PHACTR2: variants seen among roughly 807,000 people sequenced by gnomAD.
The protein encoded by PHACTR2 is phosphatase and actin regulator 2, also known as chromosome 6 open reading frame 56.
In PHACTR2, 30 loss-of-function variants were observed where a neutral mutation model predicts 76.0. That is an observed-to-expected ratio of 0.39 (90% CI 0.30 to 0.54). The LOEUF (loss-of-function observed/expected upper bound fraction) is 0.54. Ranked by LOEUF, PHACTR2 falls within the 20% of genes least tolerant of loss-of-function variation. The probability of loss-of-function intolerance (pLI) is 0.61; values close to 1 mark genes in which losing one functional copy is unlikely to be tolerated. For synonymous variants in PHACTR2, 292 were observed against 292.5 expected, an observed-to-expected ratio of 1.00 and a Z score of 0.02; for missense variants, 696 against 781.1, an observed-to-expected ratio of 0.89 and a Z score of 1.30.
rs12207527 is a variant in PHACTR2 at position 143,750,981 on chromosome 6, T to C, written c.295+1916T>C. Among the ~76,000 whole-genome samples the C allele has an allele frequency of 0.3, 45,459 of 152,112 alleles. 7,839 individuals carry two copies. Among genetic ancestry groups the C allele is most frequent in the Non-Finnish European group, 0.38 (25,982 of 67,954 alleles). On this transcript the variant is annotated intron_variant, in intron 3 of 12. Coordinates refer to ENST00000440869, the MANE Select transcript of PHACTR2 (RefSeq NM_001100164.2). The surrounding 1 kb of genome is among the most constrained non-coding windows in gnomAD (Gnocchi z 4.6). The stretch of plus-strand genomic sequence containing the variant: ...GGATGTCAGTAGTAAATGGAGTCCT[T>C]CCCCTTTTCAGCTGAGGGCTGGAGA...
Position 143,750,762 on chromosome 6 carries a change from T to A in PHACTR2, c.295+1697T>A, listed in dbSNP as rs1179909766. ...ACTTCTCAGAAATCTGACTCTCTGA[T>A]CTTTTTATTTAACTTTTCCAGTGGA... On this transcript the variant is annotated intron_variant, in intron 3 of 12. Transcript: ENST00000440869. This position sits in a 1 kb window ranked among gnomAD's most constrained non-coding sequence, Gnocchi z 4.6. Among the ~76,000 whole-genome samples, 1 of 152,236 alleles carries A rather than the reference T, an allele frequency of 6.6e-6. No individual in the cohort carries two copies. The highest frequency in any genetic ancestry group is 2.4e-5 in the African/African-American group (1 of 41,472).
chr6:143,673,565 G>A (rs1777192494), upstream of PHACTR2, among the ~76,000 whole-genome samples: 1 of 151,936 alleles, frequency 6.6e-6, no homozygotes, highest in South Asian at 2.1e-4. Context: ...TTTAGATTTT[G>A]GTCAATAAAT....
At chr6:143,677,816 G>A (rs948070422), upstream of PHACTR2, 1 of 354,372 alleles carries the variant, frequency 2.8e-6, no homozygotes, top group Admixed American at 5.0e-5. Flanking sequence ...GAGGGGGTGC[G>A]GGTGCGGCGG....
chr6:143,785,975 A>T (rs1775547910), intron 10 of PHACTR2, among the ~76,000 whole-genome samples: 1 of 152,158 alleles, frequency 6.6e-6, no homozygotes, highest in African/African-American at 2.4e-5. Context: ...CATGGCCTGG[A>T]GACATTTTCC....
rs556160820 is a variant in PHACTR2, at chr6:143,627,665, G to A, written c.13+19343G>A. Among the ~76,000 whole-genome samples the A allele has an allele frequency of 2.7e-5, 4 of 149,320 alleles. No individual in the cohort carries two copies. The highest frequency in any genetic ancestry group is 3.0e-5 in the Non-Finnish European group (2 of 67,604). ...CACCCAGGCTGGAATGCAGTGGCAC[G>A]ATCTCGGCTCACTGCAACCTCCGCC... On this transcript the variant is annotated intron_variant, in intron 1 of 11. Transcript: ENST00000305766. The surrounding 1 kb of genome is among the most constrained non-coding windows in gnomAD (Gnocchi z 4.3).
chr6:143,715,095 A>G (rs921680347), intron 2 of PHACTR2, among the ~76,000 whole-genome samples: 3 of 152,000 alleles, frequency 2.0e-5, no homozygotes, highest in Non-Finnish European at 4.4e-5. Flanking sequence ...TCCCACTGCA[A>G]TCTATCTCTG....
intron 2 of PHACTR2, among the ~76,000 whole-genome samples, chr6:143,725,956 T>C (rs1009954820): frequency 6.6e-6 from 1 of 152,258 alleles, no homozygotes; most frequent in African/African-American, 2.4e-5. Flanking sequence ...ATTCCATTTT[T>C]TGTTGAATAG....
intron 2 of PHACTR2, among the ~76,000 whole-genome samples, chr6:143,729,476 A>G (rs929117155): frequency 6.6e-6 from 1 of 152,118 alleles, no homozygotes; most frequent in Non-Finnish European, 1.5e-5. Flanking sequence ...TATGTTTTAC[A>G]TTTAGATCTA....
chr6:143,585,470 A>G lies in PHACTR2; in HGVS notation c.217+48263A>G, dbSNP rs1220647615. On this transcript the variant is annotated intron_variant, in intron 1 of 11. Coordinates refer to the PHACTR2 transcript ENST00000367584. The surrounding 1 kb of genome is among the most constrained non-coding windows in gnomAD (Gnocchi z 5.2). ...AACTAGGAAACCAGGTTTGCAGTTAACCTAGGGCTTCAGGAGTAAGGAACT... is the reference window on the plus strand; with the variant it reads ...AACTAGGAAACCAGGTTTGCAGTTAGCCTAGGGCTTCAGGAGTAAGGAACT... Among the ~76,000 whole-genome samples, 1 of 152,362 alleles carries G rather than the reference A, an allele frequency of 6.6e-6. No homozygotes were observed. The highest frequency in any genetic ancestry group is 1.9e-4 in the East Asian group (1 of 5,182).
In PHACTR2 at chr6:143,625,046, C is replaced by A. The variant is rs1442554320; in HGVS notation, c.13+16724C>A. 2.6e-5 allele frequency among the ~76,000 whole-genome samples: 4 copies of A among 151,846 alleles called. No individual in the cohort carries two copies. The highest frequency in any genetic ancestry group is 9.7e-5 in the African/African-American group (4 of 41,314). ...TGGTGCATGCCTGTAATCCTAGCTA[C>A]AGGGGAGGCTGAGGCAGGAGAATTG... is the stretch of plus-strand genomic sequence containing the variant. On this transcript the variant is annotated intron_variant, in intron 1 of 11. Transcript: ENST00000305766. This position sits in a 1 kb window ranked among gnomAD's most constrained non-coding sequence, Gnocchi z 4.3.
Position 143,616,511 on chromosome 6 carries a change from G to T in PHACTR2, c.13+8189G>T, listed in dbSNP as rs184160816. On this transcript the variant is annotated intron_variant, in intron 1 of 11. Transcript: ENST00000305766. This position sits in a 1 kb window ranked among gnomAD's most constrained non-coding sequence, Gnocchi z 4.9. ...TCTTGCTGTTCTTCCCACCTAGAACGCCTTCTCCTCCTTGCCATTCAGTCG... is the reference window on the plus strand; with the variant it reads ...TCTTGCTGTTCTTCCCACCTAGAACTCCTTCTCCTCCTTGCCATTCAGTCG... Among the ~76,000 whole-genome samples the T allele has an allele frequency of 6.6e-6, 1 of 151,950 alleles. No individual in the cohort carries two copies. The highest frequency in any genetic ancestry group is 1.5e-5 in the Non-Finnish European group (1 of 68,016).
At position 143,828,071 on chromosome 6, in the gene PHACTR2, A is replaced by G. The variant is rs1234124070; in HGVS notation, c.*4382A>G. On this transcript the variant is annotated 3_prime_UTR_variant, in exon 13 of 13. Coordinates refer to ENST00000440869, the MANE Select transcript of PHACTR2 (RefSeq NM_001100164.2). The surrounding 1 kb of genome is among the most constrained non-coding windows in gnomAD (Gnocchi z 4.7). Reference sequence around the variant, plus strand: ...AGGCTGAGGCAGGGAAATCGCTTAAACCCGGGAGGTGGAGGTTGCAGTGGG... The same window carrying G: ...AGGCTGAGGCAGGGAAATCGCTTAAGCCCGGGAGGTGGAGGTTGCAGTGGG... The G allele has an allele frequency of 6.6e-6, 1 of 151,800 alleles. No individual in the cohort carries two copies. The highest frequency in any genetic ancestry group is 2.1e-4 in the South Asian group (1 of 4,794). The allele number at this position is 151,800 out of a possible 1,614,324, so 9.4% of individuals were successfully genotyped here. A position where few individuals can be genotyped will look rare whatever the true frequency, so the allele number is the denominator to read the frequency against.
chr6:143,674,980 A>T (rs572454200), upstream of PHACTR2, among the ~76,000 whole-genome samples: 1 of 152,226 alleles, frequency 6.6e-6, no homozygotes. The surrounding 1 kb of genome is among the most constrained non-coding windows in gnomAD (Gnocchi z 4.9). Context: ...CCTAATAGAT[A>T]TAGTGGCTTC....
chr6:143,666,072 C>T (rs1479867994), intron 1 of PHACTR2, among the ~76,000 whole-genome samples: 3 of 151,620 alleles, frequency 2.0e-5, no homozygotes, highest in Non-Finnish European at 4.4e-5. Context: ...GTTCCCCTCT[C>T]TATGTCCATG....
Position 143,679,653 on chromosome 6 carries a change from G to A in PHACTR2, c.46+1444G>A, listed in dbSNP as rs1468674559. 6.6e-6 allele frequency among the ~76,000 whole-genome samples: 1 copy of A among 152,024 alleles called. No homozygotes were observed. Among genetic ancestry groups the A allele is most frequent in the African/African-American group, 2.4e-5 (1 of 41,368 alleles). On this transcript the variant is annotated intron_variant, in intron 1 of 12. Transcript: ENST00000440869. This position sits in a 1 kb window ranked among gnomAD's most constrained non-coding sequence, Gnocchi z 4.6. ...GTGATTTTATCACAAAATATTACTC[G>A]AGTGAATATTAGAAAAGCAAATTTT...
chr6:143,643,688 A>G (rs1776606330), intron 1 of PHACTR2, among the ~76,000 whole-genome samples: 1 of 152,226 alleles, frequency 6.6e-6, no homozygotes, highest in African/African-American at 2.4e-5. Context: ...GATCTAGATA[A>G]TTATGTTTAA....
rs1776655422 is a variant in PHACTR2, at chr6:143,646,088, A to T, written c.13+37766A>T. 6.6e-6 allele frequency among the ~76,000 whole-genome samples: 1 copy of T among 152,164 alleles called. No individual in the cohort carries two copies. The highest frequency in any genetic ancestry group is 1.5e-5 in the Non-Finnish European group (1 of 68,016). ...TCAGAAACAATAGAATACTTTTTTT[A>T]ATATTTTACATCAAAATGTATATTC... On this transcript the variant is annotated intron_variant, in intron 1 of 11. Coordinates refer to the PHACTR2 transcript ENST00000305766. The surrounding 1 kb of genome is among the most constrained non-coding windows in gnomAD (Gnocchi z 4.1).
At chr6:143,748,115 G>A (rs1481204240) in intron 2 of PHACTR2, among the ~76,000 whole-genome samples, 1 of 151,976 alleles carries the variant, frequency 6.6e-6, no homozygotes, top group African/African-American at 2.4e-5. Context: ...GCCCAGGCTG[G>A]AGTGCAATGG....
At chr6:143,717,594 G>A (rs1778332390) in intron 2 of PHACTR2, among the ~76,000 whole-genome samples, 1 of 151,352 alleles carries the variant, frequency 6.6e-6, no homozygotes, top group Non-Finnish European at 1.5e-5. Flanking sequence ...GTGGGGGAAG[G>A]GGGTCTCATT....
Sources: gnomAD v4.1 joint callset for allele counts (sites outside exome capture counted in the v4.1 genomes callset) on GRCh38, gnomAD v4.1.1 for gene constraint, Gnocchi (gnomAD v3.1) non-coding constraint, MANE v1.5 for transcripts, NCBI Gene and HGNC (gene_info 2026-07-23, HGNC 2026-07-21) for gene names.